MYO1A: variants seen among roughly 807,000 people sequenced by gnomAD.
MYO1A encodes the protein unconventional myosin-Ia.
In MYO1A, 127 loss-of-function variants were observed where a neutral mutation model predicts 138.5. That is an observed-to-expected ratio of 0.92 (90% CI 0.79 to 1.06). The LOEUF is 1.06. Among genes scored for constraint, MYO1A ranks in the 50% least tolerant of loss-of-function variants. The pLI is 0.00. For missense variants in MYO1A, 1,211 were observed against 1,288.8 expected (o/e 0.94, Z 0.92); for synonymous variants, 477 against 497.5 (o/e 0.96, Z 0.55).
In MYO1A at chr12:57,048,263, C is replaced by T; in HGVS notation, c.61G>A (p.Glu21Lys). 6.2e-7 allele frequency: 1 copy of T among 1,614,212 alleles called. No individual in the cohort carries two copies. The change falls in exon 2 of 28, where the codon GAG becomes AAG. Residue 21 changes from glutamate to lysine, a missense_variant. Transcript: ENST00000300119. ...TGAAGATTCTTGAGCAGTGACTCCT[C>T]CACCAAGGGTTCCAGGAGGACAAGA... ...EDLVLLEPLV[E>K]ESLLKNLQLR...
chr12:57,045,813 T>G (rs964332760), intron 8 of MYO1A, among the ~76,000 whole-genome samples: 3 of 152,196 alleles, frequency 2.0e-5, no homozygotes, highest in Admixed American at 1.3e-4. Context: ...CAGGCTGTGA[T>G]GGACCCTTCC....
In MYO1A at chr12:57,028,667, G is replaced by C. The variant is rs571393627; in HGVS notation, c.*88C>G. On this transcript the variant is annotated 3_prime_UTR_variant, in exon 28 of 28. Transcript: ENST00000300119. ...CAAGCCATGCGCCACGATCAGAGGG[G>C]TTAGAGATCCTCCCACACAGGAGGG... is the stretch of plus-strand genomic sequence containing the variant. 25 of 1,562,522 alleles carry C rather than the reference G, an allele frequency of 1.6e-5. No homozygotes were observed. Among genetic ancestry groups the C allele is most frequent in the Non-Finnish European group, 2.0e-5 (23 of 1,144,072 alleles).
At chr12:57,029,321 G>A in intron 26 of MYO1A, 62 bp from the exon 27 acceptor site, 2 of 1,613,214 alleles carry the variant, frequency 1.2e-6, no homozygotes, top group Non-Finnish European at 8.5e-7. Flanking sequence ...AGCACCTGAG[G>A]GACATCAAAG....
rs780871292 is a variant in MYO1A at position 57,029,125 on chromosome 12, GC to G, written c.3005+6del. The G allele has an allele frequency of 2.6e-5, 42 of 1,614,048 alleles. No individual in the cohort carries two copies. The highest frequency in any genetic ancestry group is 3.6e-5 in the Non-Finnish European group (42 of 1,180,016). ...AGCCGCCCCTCACCCCCAGTTCATG[GC>G]CTCACTTCTCAGTCACGGTGACTGT... On this transcript the variant is annotated splice_donor_region_variant and intron_variant, in intron 27 of 27. Coordinates refer to ENST00000300119, the MANE Select transcript of MYO1A (RefSeq NM_005379.4).
rs1245827751 is a variant in MYO1A, at chr12:57,039,000, C to A, written c.1342G>T (p.Gly448Cys). 6.2e-7 allele frequency: 1 copy of A among 1,613,554 alleles called. No individual in the cohort carries two copies. The highest frequency in any genetic ancestry group is 8.5e-7 in the Non-Finnish European group (1 of 1,179,680). The change falls in exon 16 of 28, where the codon GGT (glycine) becomes TGT (cysteine). Residue 448 changes from glycine (G) to cysteine (C), a missense_variant. Physicochemically the swap from Gly to Cys is radical, Grantham distance 159. Coordinates refer to ENST00000300119, the MANE Select transcript of MYO1A (RefSeq NM_005379.4). Reference protein sequence around the residue: ...ICKLIEHNQRGILAMLDEECL... With the variant: ...ICKLIEHNQRCILAMLDEECL... The stretch of plus-strand genomic sequence containing the variant: ...TCCTCATCCAACATGGCCAGGATAC[C>A]TCGCTGATTCTGGGCCGGGGGAACA...
At chr12:57,047,846 G>C (rs901073352) in intron 3 of MYO1A, 125 bp from the exon 4 acceptor site, 1 of 1,561,338 alleles carries the variant, frequency 6.4e-7, no homozygotes, top group African/African-American at 1.4e-5. Context: ...AGATGTGACA[G>C]GCCTTGGAAG....
In MYO1A at chr12:57,029,726, C is replaced by G; in HGVS notation, c.2724+14G>C. 6.2e-7 allele frequency: 1 copy of G among 1,614,240 alleles called. No individual in the cohort carries two copies. The highest frequency in any genetic ancestry group is 2.2e-5 in the East Asian group (1 of 44,886). ...GCACTAGCTGCGGGAGGAGTTCAGC[C>G]TGCAGGCCCTTACCTTGCCATTGCC... On this transcript the variant is annotated intron_variant, in intron 25 of 27. Coordinates refer to ENST00000300119, the MANE Select transcript of MYO1A (RefSeq NM_005379.4).
intron 7 of MYO1A, 85 bp from the exon 8 acceptor site, chr12:57,046,735 C>A: frequency 6.8e-7 from 1 of 1,475,618 alleles, no homozygotes; most frequent in Admixed American, 1.7e-5. Flanking sequence ...GCCCCCATCG[C>A]CGGCATTCCT....
intron 22 of MYO1A, among the ~76,000 whole-genome samples, chr12:57,035,071 G>A (rs2030469908): frequency 6.6e-6 from 1 of 152,170 alleles, no homozygotes; most frequent in Non-Finnish European, 1.5e-5. Flanking sequence ...AAACACTGGG[G>A]GAATCAGTGC....
intron 10 of MYO1A, among the ~76,000 whole-genome samples, 195 bp downstream of exon 10, chr12:57,043,661 T>C (rs184630496): frequency 1.0e-3 from 158 of 152,318 alleles, no homozygotes; most frequent in African/African-American, 3.5e-3. Context: ...GACCTAGATA[T>C]ATCAAATTTC....
At chr12:57,039,361 A>G in intron 14 of MYO1A, 87 bp from the exon 15 acceptor site, 4 of 987,264 alleles carry the variant, frequency 4.1e-6, no homozygotes, top group Non-Finnish European at 6.6e-6. Flanking sequence ...CACCCACCCA[A>G]CAAAGGACAT....
At chr12:57,034,648 C>T (rs2030444448) in intron 22 of MYO1A, among the ~76,000 whole-genome samples, 3 of 149,890 alleles carry the variant, frequency 2.0e-5, no homozygotes, top group Non-Finnish European at 4.4e-5. Context: ...GCATTCCAGC[C>T]TGGGCGAGAG....
In MYO1A at chr12:57,037,975, G is replaced by A. The variant is rs754370052; in HGVS notation, c.1855C>T (p.Arg619Trp). 27 of 1,614,042 alleles carry A rather than the reference G, an allele frequency of 1.7e-5. No individual in the cohort carries two copies. The highest frequency in any genetic ancestry group is 5.0e-5 in the Admixed American group (3 of 60,008). The stretch of plus-strand genomic sequence containing the variant: ...TGGGCATAGCCTGCCCGTCGCACCC[G>A]TACGTTCTCCAGCAGTCCCAGGTAC... ...ARYLGLLENV[R>W]VRRAGYAHRQ... The change falls in exon 18 of 28, where the codon CGG becomes TGG. Residue 619 changes from arginine (R) to tryptophan (W), a missense_variant. Arg to Trp is a moderately radical substitution (Grantham distance 101). Transcript: ENST00000300119.
chr12:57,049,002 T>C (rs571589439), intron 1 of MYO1A, among the ~76,000 whole-genome samples: 2 of 152,226 alleles, frequency 1.3e-5, no homozygotes, highest in African/African-American at 4.8e-5. Context: ...AAAATGAAAG[T>C]GGGGTTTGCT....
chr12:57,030,986 G>C (rs776381705), intron 23 of MYO1A, 54 bp downstream of exon 23: 2 of 1,604,126 alleles, frequency 1.2e-6, no homozygotes, highest in Admixed American at 1.7e-5. Flanking sequence ...AGGAAAATCA[G>C]GGGGAGGGAA....
intron 22 of MYO1A, 126 bp downstream of exon 22, chr12:57,036,181 C>T (rs398239): frequency 1.0e-6 from 1 of 957,390 alleles, no homozygotes; most frequent in Middle Eastern, 3.3e-4. Context: ...TCTCCTAGGA[C>T]TTAAGTACAT....
intron 12 of MYO1A, among the ~76,000 whole-genome samples, chr12:57,042,274 T>C (rs903601877): frequency 8.5e-5 from 13 of 152,250 alleles, no homozygotes; most frequent in African/African-American, 2.7e-4. Flanking sequence ...TCACTCAGCA[T>C]AATGTTTTCC....
In MYO1A at chr12:57,028,877, A is replaced by C; in HGVS notation, c.3010T>G (p.Ser1004Ala). ...QLTVTVTEKF[S>A]VRFKENSVAV... ...ACACTGTTCTCCTTGAACCTCACTGAGAACCTGGAGAGGGAACAGAAAACC... is the reference window on the plus strand; with the variant it reads ...ACACTGTTCTCCTTGAACCTCACTGCGAACCTGGAGAGGGAACAGAAAACC... Residue 1004 changes from serine to alanine, a missense_variant, in exon 28 of 28, where the codon TCA becomes GCA. Physicochemically the swap from Ser to Ala is moderately conservative, Grantham distance 99. Coordinates refer to ENST00000300119, the MANE Select transcript of MYO1A (RefSeq NM_005379.4). 1 of 1,613,944 alleles carries C rather than the reference A, an allele frequency of 6.2e-7. No homozygotes were observed. Among genetic ancestry groups the C allele is most frequent in the Admixed American group, 1.7e-5 (1 of 60,018 alleles).
At chr12:57,037,304 C>A (rs2136443487) in intron 19 of MYO1A, among the ~76,000 whole-genome samples, 1 of 152,356 alleles carries the variant, frequency 6.6e-6, no homozygotes, top group South Asian at 2.1e-4. Flanking sequence ...CACCCCAACC[C>A]TCAAGGGCTC....
Sources: gnomAD v4.1 joint callset for allele counts (sites outside exome capture counted in the v4.1 genomes callset) on GRCh38, gnomAD v4.1.1 for gene constraint, MANE v1.5 for transcripts, NCBI Gene and HGNC (gene_info 2026-07-23, HGNC 2026-07-21) for gene names.